ACVR2A: variants seen among roughly 807,000 people sequenced by gnomAD.
The protein encoded by ACVR2A is activin receptor type-2A.
In ACVR2A, 7 loss-of-function variants were observed where a neutral mutation model predicts 61.4. The ratio of observed to expected loss-of-function variants is 0.11; its 90% CI spans 0.06 to 0.21. The LOEUF is 0.21. ACVR2A is among the 10% of genes least tolerant of loss of function. ACVR2A has a pLI of 1.00. For missense variants in ACVR2A, 322 were observed against 621.7 expected (o/e 0.52, Z 5.13); for synonymous variants, 193 against 208.3 (o/e 0.93, Z 0.63).
At chr2:147,903,603 G>A (rs186556482) in intron 4 of ACVR2A, among the ~76,000 whole-genome samples, 4 of 152,040 alleles carry the variant, frequency 2.6e-5, no homozygotes, top group Admixed American at 2.0e-4. Flanking sequence ...GTTGGAGCAT[G>A]ACATGTGGTC....
chr2:147,859,210 T>C (rs1685663250), intron 1 of ACVR2A, among the ~76,000 whole-genome samples: 1 of 152,162 alleles, frequency 6.6e-6, no homozygotes, highest in African/African-American at 2.4e-5. Flanking sequence ...GTATTCCTTC[T>C]TGGACCAGAA....
intron 1 of ACVR2A, among the ~76,000 whole-genome samples, chr2:147,860,534 C>T (rs762847016): frequency 6.6e-6 from 1 of 152,224 alleles, no homozygotes; most frequent in Non-Finnish European, 1.5e-5. Context: ...ATTTTAAGTA[C>T]TTAAAAATCA....
At chr2:147,847,067 T>A (rs1685329966) in intron 1 of ACVR2A, among the ~76,000 whole-genome samples, 1 of 152,076 alleles carries the variant, frequency 6.6e-6, no homozygotes, top group South Asian at 2.1e-4. Flanking sequence ...TCTTGTGGGA[T>A]TATTTTCATT....
At chr2:147,903,250 CG>C (rs1166704694) in intron 4 of ACVR2A, among the ~76,000 whole-genome samples, 5 of 148,462 alleles carry the variant, frequency 3.4e-5, no homozygotes, top group Non-Finnish European at 6.0e-5. Context: ...GTTTTCTGGT[CG>C]TTTTTTTTTT....
intron 4 of ACVR2A, among the ~76,000 whole-genome samples, chr2:147,909,502 G>T (rs1687065729): frequency 6.6e-6 from 1 of 152,048 alleles, no homozygotes; most frequent in African/African-American, 2.4e-5. Context: ...CTAATAGCTT[G>T]ATATTAATGT....
chr2:147,871,969 C>T (rs896926995), intron 1 of ACVR2A, among the ~76,000 whole-genome samples: 2 of 151,982 alleles, frequency 1.3e-5, no homozygotes, highest in South Asian at 2.1e-4. Flanking sequence ...GAATGCCTAC[C>T]GTATTACAGA....
chr2:147,900,686 CTG>C (rs1686851560), intron 4 of ACVR2A: 1 of 151,950 alleles, frequency 6.6e-6, no homozygotes, highest in Non-Finnish European at 1.5e-5. Context: ...TCTACGAAAA[CTG>C]ATAACTTTTG....
chr2:147,871,951 A>G (rs1008350297), intron 1 of ACVR2A, among the ~76,000 whole-genome samples: 1 of 152,116 alleles, frequency 6.6e-6, no homozygotes, highest in Non-Finnish European at 1.5e-5. Flanking sequence ...GGAGAAAAAT[A>G]ATTTGTTGAA....
intron 2 of ACVR2A, among the ~76,000 whole-genome samples, chr2:147,897,630 T>G (rs1416357552): frequency 6.6e-6 from 1 of 152,202 alleles, no homozygotes; most frequent in East Asian, 1.9e-4. Context: ...TTTGAGAGCC[T>G]CAGTTGATTA....
At chr2:147,888,806 A>G (rs77151674) in intron 1 of ACVR2A, among the ~76,000 whole-genome samples, 4,551 of 149,522 alleles carry the variant, frequency 0.03, 181 homozygotes, top group African/African-American at 0.089. Flanking sequence ...TCCTTGCCTT[A>G]TTGCAGTAGT....
intron 1 of ACVR2A, among the ~76,000 whole-genome samples, chr2:147,870,116 T>G (rs1321150577): frequency 6.6e-6 from 1 of 151,716 alleles, no homozygotes; most frequent in African/African-American, 2.4e-5. Flanking sequence ...TGTGAAGGTG[T>G]TGTCAGGTGT....
At chr2:147,856,969 T>C (rs531189823) in intron 1 of ACVR2A, among the ~76,000 whole-genome samples, 145 of 152,296 alleles carry the variant, frequency 9.5e-4, no homozygotes, top group African/African-American at 3.3e-3. Context: ...GCTTATTAGC[T>C]GAGAGGGTTA....
chr2:147,912,460 G>A (rs1186250573), intron 4 of ACVR2A, among the ~76,000 whole-genome samples: 3 of 151,804 alleles, frequency 2.0e-5, no homozygotes, highest in African/African-American at 7.2e-5. Context: ...ATGTAGCCAG[G>A]TAAAGCCATA....
rs1687621588 is a variant in ACVR2A at position 147,929,891 on chromosome 2, C to T, written c.*2617C>T. 1 of 152,480 alleles carries T rather than the reference C, an allele frequency of 6.6e-6. No individual in the cohort carries two copies. The highest frequency in any genetic ancestry group is 1.5e-5 in the Non-Finnish European group (1 of 68,022). 9.4% of individuals were successfully genotyped at this position (152,480 alleles called of 1,614,324 possible). A position where few individuals can be genotyped will look rare whatever the true frequency, so the allele number is the denominator to read the frequency against. On this transcript the variant is annotated 3_prime_UTR_variant, in exon 11 of 11. Transcript: ENST00000241416. ...AGAACTGCTGCTGCTCTAACTTATA[C>T]TCTTTACCTTGCCCAGATCTCCGCG...
At chr2:147,908,997 T>C (rs1015930219) in intron 4 of ACVR2A, among the ~76,000 whole-genome samples, 1 of 152,210 alleles carries the variant, frequency 6.6e-6, no homozygotes, top group African/African-American at 2.4e-5. Flanking sequence ...ATGTGTTTAC[T>C]AAATATCTCC....
intron 4 of ACVR2A, among the ~76,000 whole-genome samples, chr2:147,910,276 G>A (rs1052447168): frequency 6.6e-6 from 1 of 152,068 alleles, no homozygotes; most frequent in Non-Finnish European, 1.5e-5. Flanking sequence ...GCACCTACTT[G>A]CACAGTGCTA....
At chr2:147,869,283 G>A (rs1276938134) in intron 1 of ACVR2A, among the ~76,000 whole-genome samples, 1 of 152,136 alleles carries the variant, frequency 6.6e-6, no homozygotes, top group Admixed American at 6.6e-5. Context: ...ATATACGTAT[G>A]CTTTTCCAGG....
chr2:147,891,846 A>G (rs1402334851), intron 1 of ACVR2A, among the ~76,000 whole-genome samples: 2 of 152,202 alleles, frequency 1.3e-5, no homozygotes, highest in Non-Finnish European at 2.9e-5. Flanking sequence ...CTTTTGTATT[A>G]TTTGGTAAAG....
At chr2:147,910,132 A>G (rs895448191) in intron 4 of ACVR2A, among the ~76,000 whole-genome samples, 3 of 150,572 alleles carry the variant, frequency 2.0e-5, no homozygotes, top group Non-Finnish European at 3.0e-5. Flanking sequence ...TTTACCCTTC[A>G]TATTTTGTTG....
Sources: gnomAD v4.1 joint callset for allele counts (sites outside exome capture counted in the v4.1 genomes callset) on GRCh38, gnomAD v4.1.1 for gene constraint, MANE v1.5 for transcripts, NCBI Gene and HGNC (gene_info 2026-07-23, HGNC 2026-07-21) for gene names.